The following NEK11 variants were observed in gnomAD, a reference collection of about 807,000 sequenced individuals.
The protein encoded by NEK11 is serine/threonine-protein kinase Nek11.
NEK11 carries 72 observed loss-of-function variants against 80.7 expected under a neutral mutation model. The observed-to-expected ratio is 0.89, with a 90% confidence interval of 0.74 to 1.08. The LOEUF (loss-of-function observed/expected upper bound fraction) is 1.08. Ranked by LOEUF, NEK11 falls within the 50% of genes least tolerant of loss-of-function variation. NEK11 has a pLI of 0.00. For synonymous variants in NEK11, 251 were observed against 260.7 expected (o/e 0.96, Z 0.36); for missense variants, 764 against 763.6 (o/e 1.00, Z -0.01).
intron 3 of NEK11, among the ~76,000 whole-genome samples, chr3:131,074,329 G>A (rs2073969444): frequency 6.6e-6 from 1 of 152,052 alleles, no homozygotes; most frequent in African/African-American, 2.4e-5. Flanking sequence ...TGGGTGGAGA[G>A]GAAGGAAGAA....
intron 3 of NEK11, among the ~76,000 whole-genome samples, chr3:131,071,181 G>A (rs1427604596): frequency 6.6e-6 from 1 of 151,812 alleles, no homozygotes; most frequent in Non-Finnish European, 1.5e-5. Flanking sequence ...AGCTCCCACG[G>A]GTAATTCAGC....
intron 14 of NEK11, among the ~76,000 whole-genome samples, chr3:131,209,925 A>G (rs1396999058): frequency 6.6e-6 from 1 of 152,106 alleles, no homozygotes; most frequent in Non-Finnish European, 1.5e-5. Flanking sequence ...TGATCTCTTC[A>G]AAAAACCAGC....
At chr3:131,318,035 C>G (rs1042578641) in intron 17 of NEK11, among the ~76,000 whole-genome samples, 1 of 152,060 alleles carries the variant, frequency 6.6e-6, no homozygotes, top group African/African-American at 2.4e-5. Context: ...TCTTCACTGT[C>G]CTTCAGTCTA....
intron 5 of NEK11, among the ~76,000 whole-genome samples, chr3:131,122,362 C>T (rs1372503879): frequency 1.3e-5 from 2 of 152,212 alleles, no homozygotes; most frequent in Non-Finnish European, 2.9e-5. Context: ...AAGGTAACCT[C>T]ACCCCTGAGC....
chr3:131,093,454 C>T lies in NEK11; in HGVS notation c.336+12866C>T, dbSNP rs139849518. Among the ~76,000 whole-genome samples the T allele has an allele frequency of 4.9e-3, 747 of 151,910 alleles. 11 individuals are homozygous for T. Among genetic ancestry groups the T allele is most frequent in the African/African-American group, 0.017 (709 of 41,408 alleles). ...AATTTTTTTTTTTGAGACAGAGTCTCGCTCTGTCTGTCAGGCTGGAGTGTG... is the reference window on the plus strand; with the variant it reads ...AATTTTTTTTTTTGAGACAGAGTCTTGCTCTGTCTGTCAGGCTGGAGTGTG... On this transcript the variant is annotated intron_variant, in intron 4 of 17. Transcript: ENST00000383366.
At chr3:131,267,193 A>C (rs530638014) in intron 16 of NEK11, among the ~76,000 whole-genome samples, 12 of 152,314 alleles carry the variant, frequency 7.9e-5, no homozygotes, top group African/African-American at 2.9e-4. Context: ...TTGACATTTA[A>C]GATTAATATT....
At chr3:131,161,864 A>G (rs1277920776) in intron 10 of NEK11, among the ~76,000 whole-genome samples, 3 of 152,252 alleles carry the variant, frequency 2.0e-5, no homozygotes, top group African/African-American at 7.2e-5. Flanking sequence ...AATAAGATTT[A>G]GCTATTAAAA....
At chr3:131,349,464 C>T in intron 17 of NEK11, 93 bp from the exon 18 acceptor site, 1 of 1,064,040 alleles carries the variant, frequency 9.4e-7, no homozygotes, top group Non-Finnish European at 1.4e-6. Flanking sequence ...CCCAGAATGA[C>T]AATGTTTGTA....
At chr3:131,278,009 G>A (rs74742449) in intron 17 of NEK11, among the ~76,000 whole-genome samples, 1,883 of 152,324 alleles carry the variant, frequency 0.012, 38 homozygotes, top group African/African-American at 0.043. Flanking sequence ...GTCTGAAGGT[G>A]TTGACATGTG....
intron 14 of NEK11, among the ~76,000 whole-genome samples, chr3:131,217,770 T>G (rs2094891367): frequency 6.6e-6 from 1 of 152,176 alleles, no homozygotes; most frequent in Non-Finnish European, 1.5e-5. Flanking sequence ...TTATTAGGTA[T>G]TTTTCTAAAT....
At chr3:131,175,438 T>G (rs1221177356) in intron 14 of NEK11, among the ~76,000 whole-genome samples, 1 of 152,186 alleles carries the variant, frequency 6.6e-6, no homozygotes, top group Non-Finnish European at 1.5e-5. Context: ...CACACCAATA[T>G]ATACAACAAT....
intron 5 of NEK11, among the ~76,000 whole-genome samples, chr3:131,118,964 ATCT>A (rs2081863723): frequency 6.6e-6 from 1 of 151,862 alleles, no homozygotes; most frequent in African/African-American, 2.4e-5. Flanking sequence ...TTGTGTCTCT[ATCT>A]TCTTCAGTTC....
chr3:131,087,235 CTTTTTT>C (rs59630167), intron 4 of NEK11, among the ~76,000 whole-genome samples: 8 of 81,204 alleles, frequency 9.9e-5, no homozygotes, highest in Non-Finnish European at 1.4e-4. Context: ...TATGCAAATT[CTTTTTT>C]TTTTTTTTTT....
intron 17 of NEK11, among the ~76,000 whole-genome samples, chr3:131,289,853 C>T (rs371140583): frequency 6.2e-4 from 94 of 152,310 alleles, no homozygotes; most frequent in African/African-American, 2.0e-3. Context: ...CTACTGACTT[C>T]ACTATCATGG....
intron 16 of NEK11, among the ~76,000 whole-genome samples, chr3:131,255,075 A>G (rs34002614): frequency 0.096 from 11,371 of 118,204 alleles, 557 homozygotes; most frequent in Non-Finnish European, 0.13. Context: ...ACAGACAGAA[A>G]GAAGGAAAGA....
intron 14 of NEK11, among the ~76,000 whole-genome samples, chr3:131,226,937 AATAAT>A (rs2095218331): frequency 1.3e-5 from 2 of 151,406 alleles, no homozygotes; most frequent in Non-Finnish European, 2.9e-5. Context: ...GTTTAATAAA[AATAAT>A]ATATATTATT....
At chr3:131,305,298 G>A (rs1052507816) in intron 17 of NEK11, among the ~76,000 whole-genome samples, 1 of 152,092 alleles carries the variant, frequency 6.6e-6, no homozygotes, top group Admixed American at 6.5e-5. Flanking sequence ...GGGCAGGTCT[G>A]CTGGAGTTCT....
intron 17 of NEK11, among the ~76,000 whole-genome samples, chr3:131,331,749 T>A (rs915340292): frequency 4.6e-5 from 7 of 152,158 alleles, no homozygotes; most frequent in African/African-American, 1.4e-4. Flanking sequence ...GAAAATCGGG[T>A]CACTCCCACC....
At chr3:131,066,425 G>A (rs954480581) in intron 3 of NEK11, among the ~76,000 whole-genome samples, 1 of 152,048 alleles carries the variant, frequency 6.6e-6, no homozygotes, top group Non-Finnish European at 1.5e-5. Flanking sequence ...TATCAACCTT[G>A]TGCAGAGATG....
Sources: allele counts gnomAD v4.1 joint callset (sites outside exome capture counted in the v4.1 genomes callset), GRCh38; gene constraint gnomAD v4.1.1; transcripts MANE v1.5; gene names NCBI Gene and HGNC (gene_info 2026-07-23, HGNC 2026-07-21).